Variants in NPAT observed in about 807,000 individuals in gnomAD.
NPAT encodes protein NPAT.
Under a neutral mutation model 130.7 loss-of-function variants are expected in NPAT, and 52 were observed. That is an observed-to-expected ratio of 0.40 (90% CI 0.32 to 0.50). The LOEUF (loss-of-function observed/expected upper bound fraction) is 0.50. Ranked by LOEUF, NPAT falls within the 20% of genes least tolerant of loss-of-function variation. The probability of loss-of-function intolerance (pLI) is 0.68; values close to 1 mark genes in which losing one functional copy is unlikely to be tolerated. For synonymous variants in NPAT, 580 were observed against 584.8 expected (o/e 0.99, Z 0.12); for missense variants, 1,687 against 1,662.6 (o/e 1.01, Z -0.26).
chr11:108,197,453 C>T, intron 1 of NPAT, 33 bp from the exon 2 acceptor site: 1 of 1,341,574 alleles, frequency 7.5e-7, no homozygotes, highest in Non-Finnish European at 1.1e-6. Context: ...GGTACTTATA[C>T]TAAATTCTGT....
intron 15 of NPAT, among the ~76,000 whole-genome samples, chr11:108,167,418 G>A (rs796502831): frequency 6.6e-6 from 1 of 152,092 alleles, no homozygotes; most frequent in African/African-American, 2.4e-5. Context: ...TCACTATATT[G>A]CCCAGGCTGG....
chr11:108,188,778 C>T (rs553331447), intron 6 of NPAT, among the ~76,000 whole-genome samples: 6 of 152,298 alleles, frequency 3.9e-5, no homozygotes, highest in African/African-American at 1.4e-4. Context: ...GACAGACTGA[C>T]ATCAACAAAG....
chr11:108,185,274 A>C lies in NPAT; in HGVS notation c.864T>G (p.Pro288=). ...CATCAATTGAAGTCTCTGGCTCCGTAGGGTTGTTATCTGTTTGCTTAGGTA... is the reference window on the plus strand; with the variant it reads ...CATCAATTGAAGTCTCTGGCTCCGTCGGGTTGTTATCTGTTTGCTTAGGTA... ...AQVPKQTDNN[P]TEPETSIDEF... The change falls in exon 10 of 18, where the codon CCT becomes CCG. Residue 288 remains proline (P), a synonymous_variant. Transcript: ENST00000278612. The C allele has an allele frequency of 6.2e-7, 1 of 1,612,544 alleles. No homozygotes were observed. The highest frequency in any genetic ancestry group is 1.7e-4 in the Middle Eastern group (1 of 6,058).
chr11:108,162,129 T>C lies in NPAT; in HGVS notation c.3062A>G (p.His1021Arg). ...ACTACTTTATACTCACTTTTGTGCA[T>C]GACATCCAACTGAATGACCTGACGA... is the stretch of plus-strand genomic sequence containing the variant. ...VDSSGHSVGCHAQKTEVSDKS... is the reference protein window; with the variant it reads ...VDSSGHSVGCRAQKTEVSDKS... The change falls in exon 16 of 18, where the codon CAT becomes CGT. Residue 1021 changes from histidine to arginine, a missense_variant. His to Arg is a conservative substitution (Grantham distance 29, BLOSUM62 0). Around this residue, in one of 3 missense-constraint regions of NPAT, gnomAD observed 1,379 missense variants for 1,346.6 expected, o/e 1.02. Coordinates refer to ENST00000278612, the MANE Select transcript of NPAT (RefSeq NM_002519.3). The C allele has an allele frequency of 6.2e-7, 1 of 1,614,010 alleles. No homozygotes were observed. The highest frequency in any genetic ancestry group is 8.5e-7 in the Non-Finnish European group (1 of 1,179,856).
At position 108,172,374 on chromosome 11, in the gene NPAT, G is replaced by C. The variant is rs2077959887; in HGVS notation, c.2610C>G (p.Thr870=). Residue 870 remains threonine, a synonymous_variant, in exon 13 of 18, where the codon ACC becomes ACG. Coordinates refer to ENST00000278612, the MANE Select transcript of NPAT (RefSeq NM_002519.3). ...FGNSNNILIA[T]CVTDPTALGT... ...CTAACGCTGTTGGATCAGTCACACA[G>C]GTAGCTATCAGAATGTTATTTGAAT... 6.2e-7 allele frequency: 1 copy of C among 1,614,174 alleles called. No individual in the cohort carries two copies. Among genetic ancestry groups the C allele is most frequent in the Non-Finnish European group, 8.5e-7 (1 of 1,180,040 alleles).
At chr11:108,207,028 TGCAG>T (rs1304117025) in intron 1 of NPAT, among the ~76,000 whole-genome samples, 4 of 151,808 alleles carry the variant, frequency 2.6e-5, no homozygotes, top group Admixed American at 2.6e-4. Context: ...AGCTCCTTTC[TGCAG>T]GCAAGTCATC....
At chr11:108,170,849 T>A (rs2077943589) in intron 13 of NPAT, among the ~76,000 whole-genome samples, 1 of 152,218 alleles carries the variant, frequency 6.6e-6, no homozygotes, top group Non-Finnish European at 1.5e-5. Flanking sequence ...TGACCTCTCC[T>A]TTATGTAATT....
At position 108,190,295 on chromosome 11, in the gene NPAT, A is replaced by G. The variant is rs141667002; in HGVS notation, c.331+165T>C. On this transcript the variant is annotated intron_variant, in intron 5 of 17. Coordinates refer to ENST00000278612, the MANE Select transcript of NPAT (RefSeq NM_002519.3). ...GCCACTGCACTTCAGCCTGGGCGAC[A>G]GAGCGAGACACTGTCTCAAAAAAAA... 6.5e-3 allele frequency among the ~76,000 whole-genome samples: 915 copies of G among 140,228 alleles called. 13 individuals carry two copies. The highest frequency in any genetic ancestry group is 0.023 in the African/African-American group (845 of 37,456). The allele number at this position is 140,228 out of a possible 152,430, so 92.0% of individuals were successfully genotyped here.
At chr11:108,206,002 G>A (rs1018217810) in intron 1 of NPAT, among the ~76,000 whole-genome samples, 3 of 152,194 alleles carry the variant, frequency 2.0e-5, no homozygotes, top group African/African-American at 7.2e-5. Flanking sequence ...GCGAGATCAT[G>A]CCAAGGCATT....
At chr11:108,208,634 A>G (rs977771348) in intron 1 of NPAT, 1 of 323,248 alleles carries the variant, frequency 3.1e-6, no homozygotes, top group Non-Finnish European at 6.1e-6. Context: ...ATAAACATAA[A>G]TACACCTAAC....
chr11:108,216,117 TA>T (rs1428668580), intron 1 of NPAT, among the ~76,000 whole-genome samples: 2 of 152,162 alleles, frequency 1.3e-5, no homozygotes, highest in East Asian at 3.8e-4. Flanking sequence ...AGAATCACCT[TA>T]AAATTAGGAC....
chr11:108,167,357 T>C (rs1461152367), intron 15 of NPAT, among the ~76,000 whole-genome samples: 1 of 152,178 alleles, frequency 6.6e-6, no homozygotes, highest in Non-Finnish European at 1.5e-5. Flanking sequence ...GACTACTATC[T>C]GCCACCACAG....
intron 1 of NPAT, among the ~76,000 whole-genome samples, chr11:108,204,555 AACCTGCCG>A (rs1565325862): frequency 1.4e-4 from 21 of 152,138 alleles, no homozygotes; most frequent in Admixed American, 5.2e-4. Flanking sequence ...GAACCTGCCG[AACCTGCCG>A]AACCTGCAGA....
intron 15 of NPAT, 40 bp from the exon 16 acceptor site, chr11:108,162,220 C>T (rs1272210737): frequency 1.3e-6 from 2 of 1,556,750 alleles, no homozygotes; most frequent in East Asian, 2.2e-5. Flanking sequence ...AAAGAATATA[C>T]TCCTCTGAAA....
At chr11:108,200,370 T>A (rs2078263792) in intron 1 of NPAT, among the ~76,000 whole-genome samples, 1 of 152,186 alleles carries the variant, frequency 6.6e-6, no homozygotes, top group South Asian at 2.1e-4. Flanking sequence ...ACCTTTTGTT[T>A]ACCCATGCCT....
intron 1 of NPAT, among the ~76,000 whole-genome samples, chr11:108,216,385 G>A (rs2134904264): frequency 2.0e-5 from 3 of 152,128 alleles, no homozygotes; most frequent in Admixed American, 2.0e-4. Context: ...ATTGGTTCTG[G>A]GGCAGGGAGG....
intron 17 of NPAT, among the ~76,000 whole-genome samples, chr11:108,160,116 C>T (rs1057308782): frequency 2.0e-5 from 3 of 149,848 alleles, no homozygotes; most frequent in African/African-American, 7.4e-5. Context: ...CGCCACCGTA[C>T]TCTAGTGGGT....
At chr11:108,185,877 C>T (rs181039462) in intron 8 of NPAT, among the ~76,000 whole-genome samples, 19 of 152,268 alleles carry the variant, frequency 1.2e-4, no homozygotes, top group Admixed American at 1.0e-3. Context: ...GGATTACGGG[C>T]GTGTGCCATC....
rs900898578 is a variant in NPAT, at chr11:108,222,634, G to A, written c.-98C>T. Reference sequence around the variant, plus strand: ...GCCGCATCTCCTGGTTCCAGTGGCGGCACTGAACTCGCGGCAATTTGTCCC... The same window carrying A: ...GCCGCATCTCCTGGTTCCAGTGGCGACACTGAACTCGCGGCAATTTGTCCC... On this transcript the variant is annotated 5_prime_UTR_variant, in exon 1 of 18. Transcript: ENST00000278612. The A allele has an allele frequency of 1.6e-5, 21 of 1,340,774 alleles. No individual in the cohort carries two copies. In the East Asian group the frequency reaches 4.4e-4, roughly 28 times the overall value. 83.1% of individuals were successfully genotyped at this position (1,340,774 alleles called of 1,614,324 possible).
Sources: allele counts gnomAD v4.1 joint callset (sites outside exome capture counted in the v4.1 genomes callset), GRCh38; gene constraint gnomAD v4.1.1; regional missense constraint gnomAD v4.1.1; transcripts MANE v1.5; gene names NCBI Gene and HGNC (gene_info 2026-07-23, HGNC 2026-07-21).